LYST: variants seen among roughly 807,000 people sequenced by gnomAD.
LYST encodes the protein lysosomal-trafficking regulator.
Under a neutral mutation model 413.6 loss-of-function variants are expected in LYST, and 192 were observed. That is an observed-to-expected ratio of 0.46 (90% CI 0.41 to 0.52). LYST has a LOEUF of 0.52. Among genes scored for constraint, LYST ranks in the 20% least tolerant of loss-of-function variants. The probability of loss-of-function intolerance (pLI) is 0.00; values close to 1 mark genes in which losing one functional copy is unlikely to be tolerated. For missense variants in LYST, 3,815 were observed against 4,499.9 expected, an observed-to-expected ratio of 0.85 and a Z score of 4.35; for synonymous variants, 1,525 against 1,567.3, an observed-to-expected ratio of 0.97 and a Z score of 0.64.
intron 1 of LYST, among the ~76,000 whole-genome samples, chr1:235,835,157 T>C (rs949881349): frequency 2.0e-5 from 3 of 151,938 alleles, no homozygotes; most frequent in Non-Finnish European, 4.4e-5. Flanking sequence ...CTTCAGGTGA[T>C]CCACCCGCCT....
chr1:235,799,844 T>C, intron 10 of LYST, among the ~76,000 whole-genome samples: 1 of 151,588 alleles, frequency 6.6e-6, no homozygotes. Flanking sequence ...TCTGGCTATT[T>C]CATTGTGTGG....
intron 31 of LYST, among the ~76,000 whole-genome samples, chr1:235,741,151 G>A (rs868104183): frequency 1.3e-5 from 2 of 152,094 alleles, no homozygotes; most frequent in Non-Finnish European, 2.9e-5. Context: ...AACACTTCAA[G>A]ATGTGTTAAC....
chr1:235,764,202 T>C (rs1195627542), intron 21 of LYST, among the ~76,000 whole-genome samples: 1 of 152,190 alleles, frequency 6.6e-6, no homozygotes. Context: ...TCAGTCTTCA[T>C]ATGCTCTATG....
rs550166282 is a variant in LYST, at chr1:235,803,505, T to C, written c.3556-441A>G. Among the ~76,000 whole-genome samples the C allele has an allele frequency of 4.0e-4, 61 of 152,238 alleles. 3 individuals are homozygous for C. In the South Asian group the frequency reaches 0.012, roughly 31 times the overall value. On this transcript the variant is annotated intron_variant, in intron 7 of 52. Transcript: ENST00000389793. ...AGGTAACTAGAGCAGACAAGACATTTTTTTCAAAGGGATTAATTAAAAGAT... is the reference window on the plus strand; with the variant it reads ...AGGTAACTAGAGCAGACAAGACATTCTTTTCAAAGGGATTAATTAAAAGAT...
rs1672074676 is a variant in LYST at position 235,800,357 on chromosome 1, G to T, written c.3969C>A (p.Phe1323Leu). ...QGTVKNLLGG[F>L]LSILTQDDSD... Reference sequence around the variant, plus strand: ...AATCATCCTGTGTTAAAATACTCAAGAACCCTCCTAAAAGATTTTTCACAG... The same window carrying T: ...AATCATCCTGTGTTAAAATACTCAATAACCCTCCTAAAAGATTTTTCACAG... Residue 1323 changes from phenylalanine (F) to leucine (L), a missense_variant, in exon 10 of 53, where the codon TTC becomes TTA. Phe to Leu is a conservative substitution (Grantham distance 22). This residue lies in a region of LYST where 1,648 missense variants were observed against 1,810.3 expected (regional missense o/e 0.91). Coordinates refer to ENST00000389793, the MANE Select transcript of LYST (RefSeq NM_000081.4). The T allele has an allele frequency of 6.3e-7, 1 of 1,594,790 alleles. No individual in the cohort carries two copies. Among genetic ancestry groups the T allele is most frequent in the South Asian group, 1.1e-5 (1 of 90,660 alleles).
At position 235,755,669 on chromosome 1, in the gene LYST, A is replaced by G. The variant is rs776771048; in HGVS notation, c.7060-22T>C. The G allele has an allele frequency of 8.0e-6, 10 of 1,254,674 alleles. No individual in the cohort carries two copies. In the East Asian group the frequency reaches 2.3e-4, roughly 29 times the overall value. 77.7% of individuals were successfully genotyped at this position (1,254,674 alleles called of 1,614,324 possible). On this transcript the variant is annotated intron_variant, in intron 24 of 52. Transcript: ENST00000389793. The stretch of plus-strand genomic sequence containing the variant: ...ATAGCTAAACAAAAAATTTAAGTCA[A>G]TTTAGATAATGCATTAAAATTAAAT...
chr1:235,675,205 T>G (rs1659282292), intron 50 of LYST, among the ~76,000 whole-genome samples: 2 of 152,208 alleles, frequency 1.3e-5, no homozygotes, highest in African/African-American at 4.8e-5. Context: ...CTTGCTTATT[T>G]TGTAACTAGC....
At chr1:235,865,391 T>G (rs1680398510) in intron 1 of LYST, among the ~76,000 whole-genome samples, 2 of 152,206 alleles carry the variant, frequency 1.3e-5, no homozygotes, top group South Asian at 4.1e-4. Flanking sequence ...CATATTTTAT[T>G]TGTTTATTAT....
chr1:235,701,263 TAAGTA>T (rs1661523788), intron 45 of LYST, among the ~76,000 whole-genome samples: 1 of 152,086 alleles, frequency 6.6e-6, no homozygotes, highest in Non-Finnish European at 1.5e-5. Context: ...TAACGAGCAG[TAAGTA>T]TAGTAGTAAA....
chr1:235,666,607 T>TACATACACACACAC (rs1553260819), intron 50 of LYST, among the ~76,000 whole-genome samples: 1 of 141,364 alleles, frequency 7.1e-6, no homozygotes, highest in African/African-American at 2.6e-5. Context: ...CACACACACA[T>TACATACACACACAC]ACACACACAC....
rs530381931 is a variant in LYST at position 235,795,274 on chromosome 1, T to G, written c.4007-1662A>C. ...ATTCACTTTTAGGTCCCAAACCTGA[T>G]AACTCTTCTCTAAATAAACGAAATG... On this transcript the variant is annotated intron_variant, in intron 10 of 52. Transcript: ENST00000389793. 1.2e-4 allele frequency among the ~76,000 whole-genome samples: 18 copies of G among 152,334 alleles called. No individual in the cohort carries two copies. In the East Asian group the frequency reaches 3.5e-3, roughly 29 times the overall value.
At position 235,809,631 on chromosome 1, in the gene LYST, T is replaced by C. The variant is rs1673237657; in HGVS notation, c.1187A>G (p.His396Arg). The change falls in exon 5 of 53, where the codon CAT becomes CGT. Residue 396 changes from histidine to arginine, a missense_variant. By Grantham distance (29) the His-to-Arg change is conservative. Coordinates refer to ENST00000389793, the MANE Select transcript of LYST (RefSeq NM_000081.4). The surrounding 1 kb of genome is among the most constrained non-coding windows in gnomAD (Gnocchi z 4.0). ...QEDFVFSKYR[H>R]RALLLPELLE... ...AAGCTCAGGTAAAAGAAGGGCTCTA[T>C]GACGATACTTTGAAAACACAAAATC... is the stretch of plus-strand genomic sequence containing the variant. The C allele has an allele frequency of 3.1e-6, 5 of 1,614,014 alleles. No homozygotes were observed. The highest frequency in any genetic ancestry group is 1.3e-5 in the African/African-American group (1 of 74,934).
intron 48 of LYST, among the ~76,000 whole-genome samples, chr1:235,677,986 G>C (rs1478118603): frequency 6.6e-6 from 1 of 151,944 alleles, no homozygotes; most frequent in South Asian, 2.1e-4. Flanking sequence ...ATTCTATACA[G>C]TTAGTACCCC....
At chr1:235,688,756 G>A (rs192351124) in intron 47 of LYST, among the ~76,000 whole-genome samples, 133 of 152,060 alleles carry the variant, frequency 8.7e-4, no homozygotes, top group East Asian at 2.1e-3. Flanking sequence ...AGGCCGAGGC[G>A]GGCGGATCAT....
At position 235,724,061 on chromosome 1, in the gene LYST, GC is replaced by G; in HGVS notation, c.9281del (p.Gly3094AlafsTer38). On this transcript the variant is annotated frameshift_variant, in exon 39 of 53. Transcript: ENST00000389793. LOFTEE classifies it high-confidence loss of function. The part of the protein sequence containing the change: ...DNAVEIFLTN[G>X]RTLLLAFDNT... ...TATCAAATGCCAACAGGAGTGTTCT[GC>G]CATTTGTTAGAAAGATTTCTACAGC... is the stretch of plus-strand genomic sequence containing the variant. 6.2e-7 allele frequency: 1 copy of G among 1,613,740 alleles called. No individual in the cohort carries two copies.
chr1:235,727,759 T>G (rs984508298), intron 38 of LYST, among the ~76,000 whole-genome samples: 4 of 152,150 alleles, frequency 2.6e-5, no homozygotes, highest in Non-Finnish European at 5.9e-5. Context: ...GATAGTGAAC[T>G]GGGAGTGGCA....
chr1:235,755,893 C>T (rs1277549499), intron 24 of LYST, among the ~76,000 whole-genome samples: 2 of 152,090 alleles, frequency 1.3e-5, no homozygotes, highest in Admixed American at 1.3e-4. Context: ...GCATTTTTAG[C>T]TGAGCATGGA....
At chr1:235,782,395 T>C (rs193185948) in intron 14 of LYST, among the ~76,000 whole-genome samples, 263 of 152,022 alleles carry the variant, frequency 1.7e-3, no homozygotes, top group Admixed American at 3.2e-3. Context: ...GGATGGTCTC[T>C]ATCTCCTGAC....
At position 235,662,901 on chromosome 1, in the gene LYST, G is replaced by T. The variant is rs755484543; in HGVS notation, c.*39C>A. ...TGGTGAAGTCAACAAATCTAGTTTGGAGTTAAAGTGCTTTGGAGAACGTGA... is the reference window on the plus strand; with the variant it reads ...TGGTGAAGTCAACAAATCTAGTTTGTAGTTAAAGTGCTTTGGAGAACGTGA... On this transcript the variant is annotated 3_prime_UTR_variant, in exon 53 of 53. Transcript: ENST00000389793. 12 of 1,134,392 alleles carry T rather than the reference G, an allele frequency of 1.1e-5. No individual in the cohort carries two copies. The South Asian group carries it at 1.3e-4, about 13-fold the overall frequency. The allele number at this position is 1,134,392 out of a possible 1,614,324, so 70.3% of individuals were successfully genotyped here.
Sources: allele counts gnomAD v4.1 joint callset (sites outside exome capture counted in the v4.1 genomes callset), GRCh38; gene constraint gnomAD v4.1.1; regional missense constraint gnomAD v4.1.1; non-coding constraint Gnocchi (gnomAD v3.1); transcripts MANE v1.5; gene names NCBI Gene and HGNC (gene_info 2026-07-23, HGNC 2026-07-21).